Variants in DNAH3 observed in about 807,000 individuals in gnomAD.
DNAH3 encodes dynein axonemal heavy chain 3.
Under a neutral mutation model 432.5 loss-of-function variants are expected in DNAH3, and 332 were observed. That is an observed-to-expected ratio of 0.77 (90% confidence interval 0.70 to 0.84). The LOEUF (loss-of-function observed/expected upper bound fraction) is 0.84. DNAH3 is among the 40% of genes least tolerant of loss of function. DNAH3 has a pLI of 0.00. For synonymous variants in DNAH3, 1,956 were observed against 1,900.2 expected, an observed-to-expected ratio of 1.03 and a Z score of -0.76; for missense variants, 4,861 against 5,114.0, an observed-to-expected ratio of 0.95 and a Z score of 1.51.
intron 20 of DNAH3, among the ~76,000 whole-genome samples, chr16:21,077,052 C>T (rs1232263330): frequency 1.3e-5 from 2 of 152,148 alleles, no homozygotes; most frequent in East Asian, 1.9e-4. Context: ...TCCAAGTGTC[C>T]CTTAAGGGTG....
At position 20,964,681 on chromosome 16, in the gene DNAH3, T is replaced by C. The variant is rs200995958; in HGVS notation, c.9203A>G (p.Asn3068Ser). Residue 3068 changes from asparagine (N) to serine (S), a missense_variant, in exon 53 of 62, where the codon AAT becomes AGT. Physicochemically the swap from Asn to Ser is conservative, Grantham distance 46. Transcript: ENST00000261383. Reference sequence around the variant, plus strand: ...TCTGGAATTGGATACAATGATGCCATTGTCGATGGAGAAGGAGTCAACGGG... The same window carrying C: ...TCTGGAATTGGATACAATGATGCCACTGTCGATGGAGAAGGAGTCAACGGG... The C allele has an allele frequency of 1.3e-5, 21 of 1,614,068 alleles. No homozygotes were observed. The African/African-American group carries it at 1.3e-4, about 10-fold the overall frequency.
intron 56 of DNAH3, among the ~76,000 whole-genome samples, chr16:20,952,164 C>G (rs1404822247): frequency 1.3e-5 from 2 of 152,198 alleles, no homozygotes; most frequent in Non-Finnish European, 1.5e-5. Context: ...AGGCATGAGC[C>G]ACTGTGCCCC....
rs762772883 is a variant in DNAH3 at position 20,987,687 on chromosome 16, G to A, written c.6882+6C>T. 2 of 1,612,204 alleles carry A rather than the reference G, an allele frequency of 1.2e-6. No homozygotes were observed. Among genetic ancestry groups the A allele is most frequent in the South Asian group, 2.2e-5 (2 of 91,010 alleles). ...TGATCTTGGTAGTAAAATGATAGTG[G>A]CTGACCTGCAGGTGTGTGTGAGGGC... is the stretch of plus-strand genomic sequence containing the variant. On this transcript the variant is annotated splice_donor_region_variant and intron_variant, in intron 46 of 61. Transcript: ENST00000261383.
At chr16:21,157,496 G>A (rs1341329147) in intron 1 of DNAH3, among the ~76,000 whole-genome samples, 2 of 151,972 alleles carry the variant, frequency 1.3e-5, no homozygotes, top group South Asian at 2.1e-4. Flanking sequence ...TGCCTGGCTA[G>A]TTTTTATATT....
intron 12 of DNAH3, among the ~76,000 whole-genome samples, chr16:21,115,747 AAAATAAAATAAAAT>A (rs1054615301): frequency 2.0e-5 from 3 of 149,462 alleles, no homozygotes; most frequent in African/African-American, 4.9e-5. Context: ...AAATAAAATA[AAAATAAAATAAAAT>A]AAATAAAATA....
intron 9 of DNAH3, among the ~76,000 whole-genome samples, chr16:21,124,907 C>G (rs1317759240): frequency 1.3e-5 from 2 of 152,184 alleles, no homozygotes; most frequent in African/African-American, 4.8e-5. Flanking sequence ...GCCTTGGCCT[C>G]CCAAAGTGCT....
At chr16:21,104,064 A>C (rs2152798769) in intron 16 of DNAH3, 1 of 188,258 alleles carries the variant, frequency 5.3e-6, no homozygotes, top group South Asian at 1.2e-4. Context: ...ACCAGCTGCA[A>C]AATAGGCAAT....
chr16:21,152,239 A>C (rs1237656235), intron 1 of DNAH3, among the ~76,000 whole-genome samples: 1 of 152,198 alleles, frequency 6.6e-6, no homozygotes, highest in African/African-American at 2.4e-5. Flanking sequence ...TCTCAAAAAA[A>C]AAGAAAAACA....
exon 37 of DNAH3, chr16:21,031,286 G>T (rs748952574): frequency 6.2e-7 from 1 of 1,614,160 alleles, no homozygotes; most frequent in Non-Finnish European, 8.5e-7. Flanking sequence ...CATCTGATTG[G>T]CTGGGCAAGA....
At position 21,136,719 on chromosome 16, in the gene DNAH3, A is replaced by G. The variant is rs2092648138; in HGVS notation, c.697-206T>C. 1.8e-5 allele frequency: 11 copies of G among 599,236 alleles called. No homozygotes were observed. The South Asian group carries it at 2.0e-4, about 11-fold the overall frequency. The allele number at this position is 599,236 out of a possible 1,614,324, so 37.1% of individuals were successfully genotyped here. A position where few individuals can be genotyped will look rare whatever the true frequency, so the allele number is the denominator to read the frequency against. The stretch of plus-strand genomic sequence containing the variant: ...TTTCCCCAGGACTTCAGAGGATTCA[A>G]CCAAAGCCAGAGAGATGTCAGTGGG... On this transcript the variant is annotated intron_variant, in intron 5 of 61. Coordinates refer to ENST00000261383, the Ensembl canonical transcript of DNAH3.
chr16:20,934,183 T>C (rs996869543), intron 61 of DNAH3, among the ~76,000 whole-genome samples: 1 of 152,210 alleles, frequency 6.6e-6, no homozygotes, highest in Non-Finnish European at 1.5e-5. Flanking sequence ...CAAATTATAC[T>C]TTAAAAAATT....
chr16:20,984,975 G>T, intron 48 of DNAH3, 74 bp downstream of exon 48: 3 of 1,256,014 alleles, frequency 2.4e-6, no homozygotes, highest in East Asian at 2.3e-5. Flanking sequence ...GTAAGGGATT[G>T]GCCTGCTCAG....
intron 36 of DNAH3, among the ~76,000 whole-genome samples, 193 bp downstream of exon 36, chr16:21,033,780 CT>C (rs1221144772): frequency 6.6e-6 from 1 of 152,098 alleles, no homozygotes; most frequent in African/African-American, 2.4e-5. Flanking sequence ...CATGAAATCC[CT>C]TGTTATTATA....
At chr16:21,069,342 A>G (rs1567735558) in intron 23 of DNAH3, 73 bp downstream of exon 23, 3 of 1,297,984 alleles carry the variant, frequency 2.3e-6, no homozygotes, top group South Asian at 2.6e-5. Context: ...GTTTCAAGGA[A>G]GGTGACTAGA....
intron 51 of DNAH3, among the ~76,000 whole-genome samples, chr16:20,974,573 T>C (rs1261505523): frequency 7.4e-6 from 1 of 135,612 alleles, no homozygotes; most frequent in East Asian, 2.3e-4. Flanking sequence ...CTGGCTGTTT[T>C]ATAGTGTTTT....
intron 44 of DNAH3, among the ~76,000 whole-genome samples, chr16:20,990,048 G>A (rs2152679764): frequency 6.6e-6 from 1 of 152,358 alleles, no homozygotes; most frequent in East Asian, 1.9e-4. Context: ...GCAAGCTGAG[G>A]GAGTGGGCTC....
At chr16:21,056,433 C>T (rs1487226282) in intron 27 of DNAH3, among the ~76,000 whole-genome samples, 4 of 146,994 alleles carry the variant, frequency 2.7e-5, no homozygotes, top group South Asian at 2.2e-4. Context: ...ACCCTCCCTC[C>T]CTCCCTGCCT....
rs561856864 is a variant in DNAH3, at chr16:20,965,446, A to T, written c.8459-21T>A. 11 of 1,499,980 alleles carry T rather than the reference A, an allele frequency of 7.3e-6. No homozygotes were observed. The Admixed American group carries it at 1.1e-4, about 16-fold the overall frequency. 92.9% of individuals were successfully genotyped at this position (1,499,980 alleles called of 1,614,324 possible). A position where few individuals can be genotyped will look rare whatever the true frequency, so the allele number is the denominator to read the frequency against. On this transcript the variant is annotated intron_variant, in intron 52 of 61. Transcript: ENST00000261383. ...CTTACCTATTTGGAACAAGAAACAG[A>T]GATAATGTGTTAAGACATTCTGGCC...
At chr16:21,111,893 A>G (rs1415981861) in intron 13 of DNAH3, 89 bp from the exon 14 acceptor site, 2 of 1,549,738 alleles carry the variant, frequency 1.3e-6, no homozygotes, top group Non-Finnish European at 8.8e-7. Context: ...CCCTAGTCCA[A>G]TGCTGAGCAT....
Sources: allele counts gnomAD v4.1 joint callset (sites outside exome capture counted in the v4.1 genomes callset), GRCh38; gene constraint gnomAD v4.1.1; transcripts MANE v1.5; gene names NCBI Gene and HGNC (gene_info 2026-07-23, HGNC 2026-07-21).